The following ELFN1 variants were observed in gnomAD, a reference collection of about 807,000 sequenced individuals.
The protein encoded by ELFN1 is extracellular leucine rich repeat and fibronectin type III domain containing 1.
In ELFN1, 6 loss-of-function variants were observed where a neutral mutation model predicts 7.6. The ratio of observed to expected loss-of-function variants is 0.79; its 90% CI spans 0.43 to 1.56. ELFN1 has a LOEUF of 1.56. Ranked by LOEUF, ELFN1 falls within the 40% of genes most tolerant of loss-of-function variation. ELFN1 has a pLI of 0.01. For synonymous variants in ELFN1, 657 were observed against 588.1 expected (o/e 1.12, Z -1.70); for missense variants, 1,169 against 1,232.2 (o/e 0.95, Z 0.77).
intron 2 of ELFN1, among the ~76,000 whole-genome samples, chr7:1,704,807 GC>G (rs1779498165): frequency 6.6e-6 from 1 of 152,124 alleles, no homozygotes; most frequent in Admixed American, 6.5e-5. Context: ...CTGAGGGCCT[GC>G]CTGCTGTATG....
chr7:1,681,838 G>A (rs1472533174), intron 1 of ELFN1, among the ~76,000 whole-genome samples: 1 of 152,130 alleles, frequency 6.6e-6, no homozygotes, highest in African/African-American at 2.4e-5. Flanking sequence ...TGCATTTTCC[G>A]AATGACCGAT....
At chr7:1,718,740 C>CCACT (rs1779911840) in intron 3 of ELFN1, among the ~76,000 whole-genome samples, 2 of 152,118 alleles carry the variant, frequency 1.3e-5, no homozygotes, top group African/African-American at 4.8e-5. Context: ...AATGATGGAG[C>CCACT]CACTCTAGGA....
At chr7:1,667,840 C>CGCG (rs1483219962), upstream of ELFN1, among the ~76,000 whole-genome samples, 1 of 152,006 alleles carries the variant, frequency 6.6e-6, no homozygotes, top group African/African-American at 2.4e-5. This position sits in a 1 kb window ranked among gnomAD's most constrained non-coding sequence, Gnocchi z 8.2. Context: ...CAGATGTCCT[C>CGCG]GCGGCGGCGG....
At chr7:1,677,888 T>C (rs1050462491) in intron 1 of ELFN1, among the ~76,000 whole-genome samples, 14 of 152,034 alleles carry the variant, frequency 9.2e-5, no homozygotes, top group Non-Finnish European at 1.8e-4. Flanking sequence ...TCCCCTGTCC[T>C]TGGGGTAGGC....
At chr7:1,702,462 C>T (rs1779449732) in intron 2 of ELFN1, among the ~76,000 whole-genome samples, 1 of 150,506 alleles carries the variant, frequency 6.6e-6, no homozygotes, top group Non-Finnish European at 1.5e-5. Flanking sequence ...CCTCACTCCA[C>T]CTTGTTCTTT....
At chr7:1,691,664 C>T (rs1779167968) in intron 2 of ELFN1, among the ~76,000 whole-genome samples, 1 of 152,202 alleles carries the variant, frequency 6.6e-6, no homozygotes, top group Non-Finnish European at 1.5e-5. Context: ...ACAAGCTGGC[C>T]ACCGGGTAGG....
At chr7:1,731,861 G>T (rs534992468) in intron 3 of ELFN1, among the ~76,000 whole-genome samples, 1 of 152,330 alleles carries the variant, frequency 6.6e-6, no homozygotes, top group South Asian at 2.1e-4. Flanking sequence ...TGTTGGCCAG[G>T]CTGGTCTGGA....
chr7:1,713,690 G>A (rs1394670635), intron 3 of ELFN1, among the ~76,000 whole-genome samples: 4 of 152,220 alleles, frequency 2.6e-5, no homozygotes, highest in African/African-American at 9.6e-5. Context: ...CCATGGAGGT[G>A]AGCCCAGACC....
intron 3 of ELFN1, among the ~76,000 whole-genome samples, chr7:1,728,445 G>A (rs535561196): frequency 6.6e-6 from 1 of 152,244 alleles, no homozygotes; most frequent in African/African-American, 2.4e-5. Context: ...CTGGCTGGGC[G>A]AGCAGAAGCC....
intron 3 of ELFN1, among the ~76,000 whole-genome samples, chr7:1,742,017 AAC>A (rs1274647132): frequency 5.9e-5 from 9 of 152,158 alleles, no homozygotes; most frequent in Non-Finnish European, 1.2e-4. Flanking sequence ...CACGTGTACA[AAC>A]ACGTGTGTGG....
chr7:1,740,551 G>A lies in ELFN1; in HGVS notation c.-293-3753G>A, dbSNP rs1293403460. Among the ~76,000 whole-genome samples, 34 of 152,192 alleles carry A rather than the reference G, an allele frequency of 2.2e-4. No individual in the cohort carries two copies. The highest frequency in any genetic ancestry group is 2.2e-3 in the Admixed American group (34 of 15,290). ...CATCGAGAGTGACTTGAGTGAGCGA[G>A]CCCAGCTGGAAAGGGCTTTGGGGGG... On this transcript the variant is annotated intron_variant, in intron 3 of 3. Coordinates refer to ENST00000424383, the MANE Select transcript of ELFN1 (RefSeq NM_001128636.4). The surrounding 1 kb of genome is among the most constrained non-coding windows in gnomAD (Gnocchi z 5.0).
upstream of ELFN1, among the ~76,000 whole-genome samples, chr7:1,668,941 T>C (rs1036092074): frequency 2.0e-5 from 3 of 152,140 alleles, no homozygotes; most frequent in Non-Finnish European, 4.4e-5. Context: ...GTCCTAGCAC[T>C]CCCCTTCAAG....
chr7:1,732,635 G>T (rs1780347882), intron 3 of ELFN1, among the ~76,000 whole-genome samples: 1 of 152,174 alleles, frequency 6.6e-6, no homozygotes, highest in South Asian at 2.1e-4. Flanking sequence ...CAGTAAAGAG[G>T]TTGGTAGACA....
intron 3 of ELFN1, among the ~76,000 whole-genome samples, chr7:1,713,280 G>T (rs188229758): frequency 6.6e-6 from 1 of 152,208 alleles, no homozygotes; most frequent in Admixed American, 6.5e-5. Flanking sequence ...TAGATGGGAC[G>T]CTTCCCAGCC....
chr7:1,673,866 A>G lies in ELFN1; in HGVS notation c.-549+3512A>G, dbSNP rs909000224. 2.0e-5 allele frequency among the ~76,000 whole-genome samples: 3 copies of G among 152,118 alleles called. No individual in the cohort carries two copies. Among genetic ancestry groups the G allele is most frequent in the African/African-American group, 7.2e-5 (3 of 41,424 alleles). On this transcript the variant is annotated intron_variant, in intron 1 of 3. Transcript: ENST00000424383. This position sits in a 1 kb window ranked among gnomAD's most constrained non-coding sequence, Gnocchi z 4.7. ...AGCTGTGGCTGGACCAGGCCTCCAC[A>G]CCTGTAGAGCTGTCCTGGGGCAGCT...
chr7:1,724,704 G>C lies in ELFN1; in HGVS notation c.-294+15452G>C, dbSNP rs189643599. Among the ~76,000 whole-genome samples, 118 of 151,632 alleles carry C rather than the reference G, an allele frequency of 7.8e-4. 1 individual carries two copies. The East Asian group carries it at 0.018, about 23-fold the overall frequency. On this transcript the variant is annotated intron_variant, in intron 3 of 3. Transcript: ENST00000424383. ...TGCCAGAGCCCGGGGCCCCATGAAC[G>C]CGACTCCCCCCAGGGCCTGTCACAG... is the stretch of plus-strand genomic sequence containing the variant.
At chr7:1,734,914 C>T (rs1583391226) in intron 3 of ELFN1, among the ~76,000 whole-genome samples, 1 of 152,054 alleles carries the variant, frequency 6.6e-6, no homozygotes, top group African/African-American at 2.4e-5. Context: ...AGGCTGGGTT[C>T]GAACTCCTGG....
chr7:1,702,831 T>C (rs973309663), intron 2 of ELFN1, among the ~76,000 whole-genome samples: 4 of 151,426 alleles, frequency 2.6e-5, no homozygotes, highest in African/African-American at 7.4e-5. Context: ...CTTATTGCAA[T>C]GGCTGCAGCT....
intron 1 of ELFN1, among the ~76,000 whole-genome samples, chr7:1,687,374 A>G (rs1233181693): frequency 6.6e-6 from 1 of 152,094 alleles, no homozygotes; most frequent in African/African-American, 2.4e-5. Context: ...CAAAACTTAA[A>G]AAAGGGTAGC....
Sources: gnomAD v4.1 joint callset for allele counts (sites outside exome capture counted in the v4.1 genomes callset) on GRCh38, gnomAD v4.1.1 for gene constraint, Gnocchi (gnomAD v3.1) non-coding constraint, MANE v1.5 for transcripts, NCBI Gene and HGNC (gene_info 2026-07-23, HGNC 2026-07-21) for gene names.